OVOL3: variants seen among roughly 807,000 people sequenced by gnomAD.
OVOL3 encodes the protein putative transcription factor ovo-like protein 3.
Under a neutral mutation model 13.6 loss-of-function variants are expected in OVOL3, and 15 were observed. That is an observed-to-expected ratio of 1.11 (90% CI 0.74 to 1.70). The LOEUF is 1.70. OVOL3 is among the 40% of genes most tolerant of loss of function. The pLI, the probability that OVOL3 is intolerant of heterozygous loss-of-function variation, is 0.00. For missense variants in OVOL3, 290 were observed against 280.6 expected, an observed-to-expected ratio of 1.03 and a Z score of -0.24; for synonymous variants, 102 against 108.5, an observed-to-expected ratio of 0.94 and a Z score of 0.37.
chr19:36,111,444 A>G lies in OVOL3; in HGVS notation c.159+11A>G, dbSNP rs554178668. On this transcript the variant is annotated intron_variant, in intron 2 of 3. Coordinates refer to ENST00000633214, the MANE Select transcript of OVOL3 (RefSeq NM_001302757.2). ...GATCCGTGGACAGCGGTGAGTGTGT[A>G]ACTGGCTAGCAAAGCCAGCTGTTTC... 324 of 1,535,698 alleles carry G rather than the reference A, an allele frequency of 2.1e-4. 1 individual carries two copies. Among genetic ancestry groups the G allele is most frequent in the African/African-American group, 2.0e-3 (143 of 73,134 alleles).
At position 36,111,769 on chromosome 19, in the gene OVOL3, T is replaced by C. The variant is rs115451545; in HGVS notation, c.159+336T>C. The C allele has an allele frequency of 2.8e-3, 1,438 of 519,292 alleles. 22 individuals carry two copies. Among genetic ancestry groups the C allele is most frequent in the African/African-American group, 0.026 (1,347 of 52,574 alleles). 32.2% of individuals were successfully genotyped at this position (519,292 alleles called of 1,614,324 possible). Reference sequence around the variant, plus strand: ...TGGGAGATAAGGGCTTTTTCAGCTGTGCATGCATTGGAGGAAGGAAAGCGC... The same window carrying C: ...TGGGAGATAAGGGCTTTTTCAGCTGCGCATGCATTGGAGGAAGGAAAGCGC... On this transcript the variant is annotated intron_variant, in intron 2 of 3. Coordinates refer to ENST00000633214, the MANE Select transcript of OVOL3 (RefSeq NM_001302757.2).
rs1388106889 is a variant in OVOL3, at chr19:36,113,521, C to A, written c.433C>A (p.Leu145Ile). 6.5e-7 allele frequency: 1 copy of A among 1,536,224 alleles called. No individual in the cohort carries two copies. Among genetic ancestry groups the A allele is most frequent in the Non-Finnish European group, 8.7e-7 (1 of 1,146,904 alleles). ...GCAGCGCTGCTCCCTGGAAGCTCAC[C>A]TTGCTAAGGTGCATGGACAGCCGGC... is the stretch of plus-strand genomic sequence containing the variant. ...FTQRCSLEAH[L>I]AKVHGQPASY... Residue 145 changes from leucine to isoleucine, a missense_variant, in exon 4 of 4, where the codon CTT becomes ATT. Physicochemically the swap from Leu to Ile is conservative, Grantham distance 5 (BLOSUM62 2). Coordinates refer to ENST00000633214, the MANE Select transcript of OVOL3 (RefSeq NM_001302757.2).
At chr19:36,111,338 C>T (rs191616375) in intron 1 of OVOL3, 31 bp from the exon 2 acceptor site, 358 of 1,535,346 alleles carry the variant, frequency 2.3e-4, no homozygotes, top group African/African-American at 2.3e-3. Context: ...GCAGGAGAGA[C>T]GCAGTGTCAC....
chr19:36,111,274 C>T lies in OVOL3; in HGVS notation c.72C>T (p.Leu24=). 6.5e-7 allele frequency: 1 copy of T among 1,536,058 alleles called. No individual in the cohort carries two copies. The highest frequency in any genetic ancestry group is 1.2e-5 in the South Asian group (1 of 84,060). The stretch of plus-strand genomic sequence containing the variant: ...ACTGGGGCCATCTGCCTGACCAGCT[C>T]CGGGGAGATGCCTATATCCCAGGTG... ...PPNWGHLPDQ[L]RGDAYIPDCS... The change falls in exon 1 of 4, where the codon CTC becomes CTT. Residue 24 remains leucine, a synonymous_variant. Transcript: ENST00000633214.
chr19:36,113,007 T>C (rs1568379315), intron 3 of OVOL3, 43 bp downstream of exon 3: 13 of 1,518,816 alleles, frequency 8.6e-6, no homozygotes, highest in Non-Finnish European at 1.1e-5. Context: ...GGGCCCCAGG[T>C]GGGGATGGAA....
At position 36,113,404 on chromosome 19, in the gene OVOL3, G is replaced by A. The variant is rs1200401111; in HGVS notation, c.365-49G>A. ...CAGGGTGGGGGCGCTTTAGTCCAGAGCCCATTGCCCTCTCTGTCCAGCCCT... is the reference window on the plus strand; with the variant it reads ...CAGGGTGGGGGCGCTTTAGTCCAGAACCCATTGCCCTCTCTGTCCAGCCCT... On this transcript the variant is annotated intron_variant, in intron 3 of 3. Transcript: ENST00000633214. 3 of 1,508,300 alleles carry A rather than the reference G, an allele frequency of 2.0e-6. No individual in the cohort carries two copies. The South Asian group carries it at 3.6e-5, about 18-fold the overall frequency. 93.4% of individuals were successfully genotyped at this position (1,508,300 alleles called of 1,614,324 possible). A position where few individuals can be genotyped will look rare whatever the true frequency, so the allele number is the denominator to read the frequency against.
chr19:36,113,054 T>C, intron 3 of OVOL3, 90 bp downstream of exon 3: 4 of 1,350,806 alleles, frequency 3.0e-6, no homozygotes, highest in South Asian at 1.3e-5. Context: ...GGAGTGTCCA[T>C]GGTTTGTGTA....
At position 36,112,774 on chromosome 19, in the gene OVOL3, C is replaced by A. The variant is rs79000891; in HGVS notation, c.174C>A (p.Gly58=). The change falls in exon 3 of 4, where the codon GGC becomes GGA. Residue 58 remains glycine (G), a synonymous_variant. Transcript: ENST00000633214. ...RDPWTAQPTQ[G]NLTSAPRGPG... The stretch of plus-strand genomic sequence containing the variant: ...CATCCCTCCAGCAGCCCACACAGGG[C>A]AACCTGACCTCTGCTCCCAGGGGCC... The A allele has an allele frequency of 1.9e-3, 2,988 of 1,534,260 alleles. 59 individuals carry two copies. In the African/African-American group the frequency reaches 0.037, roughly 19 times the overall value.
chr19:36,112,055 G>C (rs975566649), intron 2 of OVOL3, among the ~76,000 whole-genome samples: 1 of 151,108 alleles, frequency 6.6e-6, no homozygotes, highest in Admixed American at 6.6e-5. Context: ...ACAAACATTA[G>C]CCAGACATGG....
chr19:36,112,971 A>C lies in OVOL3; in HGVS notation c.364+7A>C, dbSNP rs1389458425. The C allele has an allele frequency of 6.5e-7, 1 of 1,534,918 alleles. No individual in the cohort carries two copies. The highest frequency in any genetic ancestry group is 1.2e-5 in the South Asian group (1 of 83,996). ...CACATGAGGACTCACACTGGTGAGC[A>C]GTGGCAGGGACAGGGAAAAGTTGCT... is the stretch of plus-strand genomic sequence containing the variant. On this transcript the variant is annotated splice_region_variant and intron_variant, in intron 3 of 3. Transcript: ENST00000633214.
At position 36,111,904 on chromosome 19, in the gene OVOL3, G is replaced by A. The variant is rs538971044; in HGVS notation, c.159+471G>A. On this transcript the variant is annotated intron_variant, in intron 2 of 3. Transcript: ENST00000633214. ...ACAATTTTATGGAGCTTATATTCTGGTTGGGGCTGCATGTATAGACAATAA... is the reference window on the plus strand; with the variant it reads ...ACAATTTTATGGAGCTTATATTCTGATTGGGGCTGCATGTATAGACAATAA... The A allele has an allele frequency of 6.1e-5, 28 of 455,506 alleles. 1 individual carries two copies. The highest frequency in any genetic ancestry group is 4.2e-4 in the South Asian group (27 of 64,526). 28.2% of individuals were successfully genotyped at this position (455,506 alleles called of 1,614,324 possible). A position where few individuals can be genotyped will look rare whatever the true frequency, so the allele number is the denominator to read the frequency against.
chr19:36,112,503 G>A (rs1973846534), intron 2 of OVOL3, among the ~76,000 whole-genome samples: 1 of 147,886 alleles, frequency 6.8e-6, no homozygotes, highest in Non-Finnish European at 1.5e-5. Context: ...CTGGGCGACA[G>A]AGCAAGACTC....
At chr19:36,112,700 G>T (rs1022949552) in intron 2 of OVOL3, 60 bp from the exon 3 acceptor site, 2 of 1,423,830 alleles carry the variant, frequency 1.4e-6, no homozygotes, top group Admixed American at 2.1e-5. Flanking sequence ...CTCATTTGCA[G>T]AGTAACAAAG....
intron 2 of OVOL3, 21 bp downstream of exon 2, chr19:36,111,454 C>G: frequency 6.5e-7 from 1 of 1,533,490 alleles, no homozygotes; most frequent in Non-Finnish European, 8.7e-7. Flanking sequence ...AACTGGCTAG[C>G]AAAGCCAGCT....
At chr19:36,112,173 T>C (rs1287122376) in intron 2 of OVOL3, among the ~76,000 whole-genome samples, 1 of 151,856 alleles carries the variant, frequency 6.6e-6, no homozygotes, top group Non-Finnish European at 1.5e-5. Flanking sequence ...GCCACTGCAC[T>C]CCAGCCTGGG....
In OVOL3 at chr19:36,113,495, C is replaced by A. The variant is rs1973876772; in HGVS notation, c.407C>A (p.Thr136Lys). 1 of 1,536,106 alleles carries A rather than the reference C, an allele frequency of 6.5e-7. No homozygotes were observed. The highest frequency in any genetic ancestry group is 8.7e-7 in the Non-Finnish European group (1 of 1,146,842). ...FRCSACGKAF[T>K]QRCSLEAHLA... ...TGCAGTGCTTGCGGGAAAGCGTTTA[C>A]GCAGCGCTGCTCCCTGGAAGCTCAC... Residue 136 changes from threonine to lysine, a missense_variant, in exon 4 of 4, where the codon ACG becomes AAG. Physicochemically the swap from Thr to Lys is moderately conservative, Grantham distance 78. Coordinates refer to ENST00000633214, the MANE Select transcript of OVOL3 (RefSeq NM_001302757.2).
At position 36,111,163 on chromosome 19, in the gene OVOL3, G is replaced by A. The variant is rs1175282537; in HGVS notation, c.-40G>A. On this transcript the variant is annotated 5_prime_UTR_variant, in exon 1 of 4. In the 5' UTR this introduces an upstream ATG that the reference lacks. Transcript: ENST00000633214. ...TCCTGGGGCTGAGGTCTGACAGCAG[G>A]TGGAAGCAGCCCCTGTGTGTGGAGA... The A allele has an allele frequency of 2.0e-6, 3 of 1,483,028 alleles. No homozygotes were observed. Among genetic ancestry groups the A allele is most frequent in the South Asian group, 1.2e-5 (1 of 81,426 alleles). The allele number at this position is 1,483,028 out of a possible 1,614,324, so 91.9% of individuals were successfully genotyped here. A position where few individuals can be genotyped will look rare whatever the true frequency, so the allele number is the denominator to read the frequency against.
intron 2 of OVOL3, among the ~76,000 whole-genome samples, chr19:36,112,341 G>A (rs1029817059): frequency 3.9e-5 from 6 of 152,166 alleles, no homozygotes. Flanking sequence ...CCAACATGGT[G>A]AAACCCCATC....
chr19:36,113,302 G>A (rs1383819323), intron 3 of OVOL3, 151 bp from the exon 4 acceptor site: 4 of 806,876 alleles, frequency 5.0e-6, no homozygotes, highest in African/African-American at 1.7e-5. Context: ...ACTGGGTGAC[G>A]GTAGCAGATG....
Sources: allele counts gnomAD v4.1 joint callset (sites outside exome capture counted in the v4.1 genomes callset), GRCh38; gene constraint gnomAD v4.1.1; transcripts MANE v1.5; gene names NCBI Gene and HGNC (gene_info 2026-07-23, HGNC 2026-07-21).